Variants in DOCK8 observed in about 807,000 individuals in gnomAD.
The protein encoded by DOCK8 is dedicator of cytokinesis protein 8.
DOCK8 carries 141 observed loss-of-function variants against 245.6 expected under a neutral mutation model. The observed-to-expected ratio is 0.57, with a 90% CI of 0.50 to 0.66. The LOEUF (loss-of-function observed/expected upper bound fraction) is 0.66, where lower values mean the gene tolerates loss of function less well. Among genes scored for constraint, DOCK8 ranks in the 30% least tolerant of loss-of-function variants. The probability of loss-of-function intolerance (pLI) is 0.00; values close to 1 mark genes in which losing one functional copy is unlikely to be tolerated. For missense variants in DOCK8, 2,965 were observed against 2,603.4 expected, an observed-to-expected ratio of 1.14 and a Z score of -3.02; for synonymous variants, 1,168 against 970.2, an observed-to-expected ratio of 1.20 and a Z score of -3.79.
chr9:260,264 A>G lies in DOCK8; in HGVS notation c.54-11363A>G, dbSNP rs141248246. Among the ~76,000 whole-genome samples, 8 of 152,302 alleles carry G rather than the reference A, an allele frequency of 5.3e-5. No individual in the cohort carries two copies. In the East Asian group the frequency reaches 1.3e-3, roughly 26 times the overall value. Reference sequence around the variant, plus strand: ...ATTTTCAGCTCACCAGAAGGTAACCATACTGTCTTGAGTCTTACAGTTACC... The same window carrying G: ...ATTTTCAGCTCACCAGAAGGTAACCGTACTGTCTTGAGTCTTACAGTTACC... On this transcript the variant is annotated intron_variant, in intron 1 of 47. Transcript: ENST00000432829.
At chr9:353,662 T>C (rs1007674903) in intron 14 of DOCK8, among the ~76,000 whole-genome samples, 1 of 152,174 alleles carries the variant, frequency 6.6e-6, no homozygotes, top group Non-Finnish European at 1.5e-5. Flanking sequence ...CTGACAGTTC[T>C]GTCTGGTGGC....
intron 2 of DOCK8, among the ~76,000 whole-genome samples, chr9:279,985 C>G (rs1241930728): frequency 6.6e-6 from 1 of 152,114 alleles, no homozygotes; most frequent in East Asian, 1.9e-4. Flanking sequence ...AGTCAGCTAT[C>G]TGTATACTAC....
intron 14 of DOCK8, among the ~76,000 whole-genome samples, chr9:343,653 T>A (rs2051721380): frequency 6.6e-6 from 1 of 152,184 alleles, no homozygotes; most frequent in Admixed American, 6.5e-5. Flanking sequence ...TCCTTACATC[T>A]AAACTTAGTC....
intron 39 of DOCK8, among the ~76,000 whole-genome samples, chr9:438,310 A>G (rs1352406143): frequency 2.0e-5 from 3 of 152,232 alleles, no homozygotes; most frequent in African/African-American, 7.2e-5. Flanking sequence ...AGCTCTGGGG[A>G]AAAAGTGCTA....
At chr9:381,705 A>G (rs185787922) in intron 21 of DOCK8, among the ~76,000 whole-genome samples, 53 of 152,288 alleles carry the variant, frequency 3.5e-4, no homozygotes, top group African/African-American at 1.1e-3. Context: ...CCTGTAATCA[A>G]TCCTAGCACT....
Position 418,230 on chromosome 9 carries a change from G to C in DOCK8, c.3840+23G>C, listed in dbSNP as rs573537214. The C allele has an allele frequency of 6.2e-6, 10 of 1,613,750 alleles. No individual in the cohort carries two copies. The Admixed American group carries it at 1.3e-4, about 22-fold the overall frequency. ...TTGGTATGTTGGTGCACATGTGTCT[G>C]GTTGATTTTTCATTTCATGTCTTCT... is the stretch of plus-strand genomic sequence containing the variant. On this transcript the variant is annotated intron_variant, in intron 30 of 47. Coordinates refer to ENST00000432829, the MANE Select transcript of DOCK8 (RefSeq NM_203447.4).
At chr9:403,858 ATCTCTCTC>A (rs749646963) in intron 26 of DOCK8, among the ~76,000 whole-genome samples, 1,257 of 83,956 alleles carry the variant, frequency 0.015, 49 homozygotes, top group African/African-American at 0.036. Flanking sequence ...AAGACTCTGT[ATCTCTCTC>A]TCTCTCTCTC....
intron 18 of DOCK8, among the ~76,000 whole-genome samples, chr9:373,573 G>C (rs1050563844): frequency 3.3e-5 from 5 of 152,148 alleles, no homozygotes; most frequent in African/African-American, 1.2e-4. Flanking sequence ...CATCTCTTTT[G>C]CTTTCCTTGC....
rs1564012306 is a variant in DOCK8 at position 400,123 on chromosome 9, AT to A, written c.3234+865del. Among the ~76,000 whole-genome samples the A allele has an allele frequency of 2.5e-3, 196 of 77,016 alleles. 8 individuals carry two copies. The highest frequency in any genetic ancestry group is 0.013 in the African/African-American group (119 of 9,090). 50.5% of individuals were successfully genotyped at this position (77,016 alleles called of 152,430 possible). Reference sequence around the variant, plus strand: ...CACCACCACCTCCACCACCACCAGCATCTTCACCATCACCACCACCTCCACC... The same window carrying A: ...CACCACCACCTCCACCACCACCAGCACTTCACCATCACCACCACCTCCACC... On this transcript the variant is annotated intron_variant, in intron 26 of 47. Transcript: ENST00000432829.
chr9:263,510 A>G (rs1052395256), intron 1 of DOCK8, among the ~76,000 whole-genome samples: 1 of 152,144 alleles, frequency 6.6e-6, no homozygotes, highest in African/African-American at 2.4e-5. Context: ...CACAGTCACT[A>G]TCATTTAGAT....
rs377628233 is a variant in DOCK8 at position 308,851 on chromosome 9, G to T, written c.529-3103G>T. ...TTTTTGTATTTTTAGTAGAGACGGGGTTTCACCATGTTAGCCAGGATGGTC... is the reference window on the plus strand; with the variant it reads ...TTTTTGTATTTTTAGTAGAGACGGGTTTTCACCATGTTAGCCAGGATGGTC... On this transcript the variant is annotated intron_variant, in intron 5 of 47. Coordinates refer to ENST00000432829, the MANE Select transcript of DOCK8 (RefSeq NM_203447.4). Among the ~76,000 whole-genome samples the T allele has an allele frequency of 9.9e-5, 15 of 152,248 alleles. No homozygotes were observed. The East Asian group carries it at 1.7e-3, about 18-fold the overall frequency.
intron 1 of DOCK8, among the ~76,000 whole-genome samples, chr9:238,418 C>T (rs921410004): frequency 2.0e-5 from 3 of 152,176 alleles, no homozygotes; most frequent in African/African-American, 7.2e-5. Context: ...CAGGGTTCCA[C>T]ACTTGGTAGA....
At chr9:245,966 C>G (rs964734597) in intron 1 of DOCK8, among the ~76,000 whole-genome samples, 23 of 151,944 alleles carry the variant, frequency 1.5e-4, no homozygotes, top group African/African-American at 5.3e-4. Flanking sequence ...ACACCTGTAA[C>G]CCCAGCACTT....
At chr9:342,651 G>A (rs1358657170) in intron 14 of DOCK8, among the ~76,000 whole-genome samples, 1 of 149,530 alleles carries the variant, frequency 6.7e-6, no homozygotes, top group Non-Finnish European at 1.5e-5. Context: ...TGTATTTTTG[G>A]TAGAGACAGG....
In DOCK8 at chr9:439,508, G is replaced by C. The variant is rs888734529; in HGVS notation, c.5223+120G>C. 2.2e-6 allele frequency: 3 copies of C among 1,373,240 alleles called. No individual in the cohort carries two copies. In the South Asian group the frequency reaches 3.7e-5, roughly 17 times the overall value. The allele number at this position is 1,373,240 out of a possible 1,614,324, so 85.1% of individuals were successfully genotyped here. ...CCACTTCCCGAGGACACGTGCCAGGGTGTGCGGGGCAGGGGATGGGCCCGG... is the reference window on the plus strand; with the variant it reads ...CCACTTCCCGAGGACACGTGCCAGGCTGTGCGGGGCAGGGGATGGGCCCGG... On this transcript the variant is annotated intron_variant, in intron 40 of 47. Transcript: ENST00000432829.
intron 14 of DOCK8, among the ~76,000 whole-genome samples, chr9:358,385 T>A (rs964421075): frequency 6.6e-6 from 1 of 152,248 alleles, no homozygotes; most frequent in African/African-American, 2.4e-5. Context: ...TGAGCCACTG[T>A]GCTCAACTGC....
At chr9:307,665 T>C (rs2049910188) in intron 5 of DOCK8, among the ~76,000 whole-genome samples, 1 of 151,964 alleles carries the variant, frequency 6.6e-6, no homozygotes. Flanking sequence ...GCCCACTGTC[T>C]GTGTTTAAGA....
chr9:367,968 A>C (rs773013402), intron 14 of DOCK8, 50 bp from the exon 15 acceptor site: 1 of 1,483,400 alleles, frequency 6.7e-7, no homozygotes, highest in African/African-American at 1.4e-5. Flanking sequence ...GAACTTAGTT[A>C]AAATAAACTC....
intron 1 of DOCK8, among the ~76,000 whole-genome samples, chr9:267,212 G>C (rs1488738087): frequency 6.6e-6 from 1 of 152,130 alleles, no homozygotes; most frequent in Non-Finnish European, 1.5e-5. Context: ...GTTTGTTTTT[G>C]TTTTTGTTTT....
Sources: gnomAD v4.1 joint callset for allele counts (sites outside exome capture counted in the v4.1 genomes callset) on GRCh38, gnomAD v4.1.1 for gene constraint, MANE v1.5 for transcripts, NCBI Gene and HGNC (gene_info 2026-07-23, HGNC 2026-07-21) for gene names.